The following ARIH1 variants were observed in gnomAD, a reference collection of about 807,000 sequenced individuals.
ARIH1 encodes the protein ariadne RBR E3 ubiquitin protein ligase 1, also known as E3 ubiquitin-protein ligase ARIH1.
In ARIH1, 8 loss-of-function variants were observed where a neutral mutation model predicts 85.0. That is an observed-to-expected ratio of 0.09 (90% CI 0.06 to 0.17). The LOEUF (loss-of-function observed/expected upper bound fraction) is 0.17, where lower values mean the gene tolerates loss of function less well. Ranked by LOEUF, ARIH1 falls within the 10% of genes least tolerant of loss-of-function variation. The pLI is 1.00. For synonymous variants in ARIH1, 238 were observed against 253.6 expected, an observed-to-expected ratio of 0.94 and a Z score of 0.59; for missense variants, 311 against 718.1, an observed-to-expected ratio of 0.43 and a Z score of 6.48.
At chr15:72,562,416 A>C (rs2064201040) in intron 6 of ARIH1, among the ~76,000 whole-genome samples, 1 of 152,180 alleles carries the variant, frequency 6.6e-6, no homozygotes, top group Admixed American at 6.5e-5. Flanking sequence ...TCTAGAAAGT[A>C]ATTATTTCTG....
intron 10 of ARIH1, among the ~76,000 whole-genome samples, chr15:72,571,312 A>G (rs2064245497): frequency 6.6e-6 from 1 of 152,126 alleles, no homozygotes; most frequent in Non-Finnish European, 1.5e-5. Flanking sequence ...CATCTTCTCA[A>G]TGAAGAAAAT....
rs562668453 is a variant in ARIH1, at chr15:72,556,563, CTTTCTTTTT to C, written c.737+665_737+673del. ...CTAACAGCTCTTCTTGTGAAAGGTT[CTTTCTTTTT>C]TTTCTTTTAACTTTTAGGTTCAGGT... is the stretch of plus-strand genomic sequence containing the variant. On this transcript the variant is annotated intron_variant, in intron 5 of 13. Transcript: ENST00000379887. Among the ~76,000 whole-genome samples, 480 of 152,242 alleles carry C rather than the reference CTTTCTTTTT, an allele frequency of 3.2e-3. 3 individuals carry two copies. Among genetic ancestry groups the C allele is most frequent in the African/African-American group, 0.011 (463 of 41,540 alleles).
intron 11 of ARIH1, among the ~76,000 whole-genome samples, chr15:72,576,528 A>C (rs959927435): frequency 4.6e-5 from 7 of 151,480 alleles, no homozygotes; most frequent in Non-Finnish European, 8.8e-5. Flanking sequence ...AAAAAAAAAA[A>C]AACCCTTTGA....
rs2064351528 is a variant in ARIH1, at chr15:72,593,632, G to GA, written c.*10340_*10341insA. On this transcript the variant is annotated 3_prime_UTR_variant, in exon 14 of 14. Coordinates refer to ENST00000379887, the MANE Select transcript of ARIH1 (RefSeq NM_005744.5). Reference sequence around the variant, plus strand: ...TTGGTTAAAAATTGATCACGTGTGTGTGTATTTCTACATTTTCTGTTCTGT... The same window carrying GA: ...TTGGTTAAAAATTGATCACGTGTGTGATGTATTTCTACATTTTCTGTTCTGT... The GA allele has an allele frequency of 6.6e-6, 1 of 152,170 alleles. No individual in the cohort carries two copies. The highest frequency in any genetic ancestry group is 1.5e-5 in the Non-Finnish European group (1 of 68,026). 9.4% of individuals were successfully genotyped at this position (152,170 alleles called of 1,614,324 possible). A position where few individuals can be genotyped will look rare whatever the true frequency, so the allele number is the denominator to read the frequency against.
rs1206162417 is a variant in ARIH1, at chr15:72,474,941, A to G, written c.302A>G (p.Tyr101Cys). ...PGHEQEEDYRYEVLTAEQILQ... is the reference protein window; with the variant it reads ...PGHEQEEDYRCEVLTAEQILQ... ...CATGAGCAGGAGGAGGATTACCGCT[A>G]CGAGGTGCTCACGGCCGAGCAGATT... The change falls in exon 1 of 14, where the codon TAC (tyrosine) becomes TGC (cysteine). Residue 101 changes from tyrosine to cysteine, a missense_variant. Physicochemically the swap from Tyr to Cys is radical, Grantham distance 194. Transcript: ENST00000379887. 6.5e-7 allele frequency: 1 copy of G among 1,548,430 alleles called. No homozygotes were observed. The highest frequency in any genetic ancestry group is 1.4e-5 in the African/African-American group (1 of 72,494).
intron 1 of ARIH1, among the ~76,000 whole-genome samples, chr15:72,492,238 T>A (rs1280654441): frequency 6.6e-6 from 1 of 152,206 alleles, no homozygotes; most frequent in Non-Finnish European, 1.5e-5. Context: ...TATATAAAAT[T>A]TGTTCGTTAT....
At chr15:72,523,813 T>G (rs1393740747) in intron 2 of ARIH1, among the ~76,000 whole-genome samples, 5 of 151,848 alleles carry the variant, frequency 3.3e-5, no homozygotes, top group Admixed American at 6.6e-5. Context: ...ATAATAAGTT[T>G]TTTTTTTCTT....
At chr15:72,522,676 AAAAGAT>A (rs1209280262) in intron 2 of ARIH1, among the ~76,000 whole-genome samples, 1 of 152,200 alleles carries the variant, frequency 6.6e-6, no homozygotes, top group Non-Finnish European at 1.5e-5. Flanking sequence ...ACAACAACAA[AAAAGAT>A]AAAGATCTTT....
chr15:72,486,376 C>T (rs1175218824), intron 1 of ARIH1, among the ~76,000 whole-genome samples: 2 of 152,184 alleles, frequency 1.3e-5, no homozygotes, highest in Non-Finnish European at 2.9e-5. Context: ...ATATAGACTA[C>T]CTACCTGCTA....
chr15:72,569,951 A>G (rs2064236066), intron 9 of ARIH1, among the ~76,000 whole-genome samples: 1 of 152,226 alleles, frequency 6.6e-6, no homozygotes, highest in African/African-American at 2.4e-5. Flanking sequence ...AGTTTAAAAA[A>G]ACAAGTCCTT....
chr15:72,555,173 C>T (rs1283849101), intron 3 of ARIH1, 98 bp from the exon 4 acceptor site: 9 of 826,610 alleles, frequency 1.1e-5, no homozygotes, highest in East Asian at 1.0e-4. Flanking sequence ...ATTTTAGCCA[C>T]GTAAGAAATG....
intron 5 of ARIH1, among the ~76,000 whole-genome samples, chr15:72,560,998 A>G (rs578035467): frequency 1.3e-5 from 2 of 152,340 alleles, no homozygotes; most frequent in South Asian, 4.1e-4. Flanking sequence ...TCTCAGAAGA[A>G]GAAGGCTCTT....
At chr15:72,580,618 A>G (rs1413978252) in intron 11 of ARIH1, 113 bp from the exon 12 acceptor site, 2 of 1,006,278 alleles carry the variant, frequency 2.0e-6, no homozygotes, top group East Asian at 5.2e-5. Flanking sequence ...TTTGATAAAA[A>G]CCATTCTAAC....
At chr15:72,566,432 C>T (rs1225271993) in intron 7 of ARIH1, 131 bp from the exon 8 acceptor site, 2 of 764,770 alleles carry the variant, frequency 2.6e-6, no homozygotes, top group African/African-American at 3.5e-5. Flanking sequence ...CATGGGTTCT[C>T]TCCTTGTATT....
intron 9 of ARIH1, among the ~76,000 whole-genome samples, chr15:72,569,958 C>T (rs1483744751): frequency 6.6e-6 from 1 of 152,098 alleles, no homozygotes; most frequent in Non-Finnish European, 1.5e-5. Flanking sequence ...AAAAACAAGT[C>T]CTTAAATTGT....
At chr15:72,475,120 C>G (rs552784695) in intron 1 of ARIH1, 106 bp downstream of exon 1, 5 of 1,460,324 alleles carry the variant, frequency 3.4e-6, no homozygotes, top group Non-Finnish European at 4.5e-6. Context: ...GCAGCCTAGC[C>G]CGGTGCCTCC....
At chr15:72,525,332 A>G (rs1307506378) in intron 2 of ARIH1, among the ~76,000 whole-genome samples, 2 of 152,236 alleles carry the variant, frequency 1.3e-5, no homozygotes, top group Non-Finnish European at 2.9e-5. Context: ...TTTTAATAAA[A>G]TTGTGTATTA....
intron 11 of ARIH1, among the ~76,000 whole-genome samples, chr15:72,579,249 G>A (rs2064285746): frequency 6.6e-6 from 1 of 151,972 alleles, no homozygotes; most frequent in Admixed American, 6.6e-5. Context: ...GTCCTGTAGA[G>A]TTTCCCACAT....
chr15:72,508,664 C>T (rs916886223), intron 1 of ARIH1, among the ~76,000 whole-genome samples: 13 of 151,270 alleles, frequency 8.6e-5, no homozygotes, highest in African/African-American at 3.1e-4. Context: ...TCCTTTTCAG[C>T]ATTCCCTTTT....
Sources: gnomAD v4.1 joint callset for allele counts (sites outside exome capture counted in the v4.1 genomes callset) on GRCh38, gnomAD v4.1.1 for gene constraint, MANE v1.5 for transcripts, NCBI Gene and HGNC (gene_info 2026-07-23, HGNC 2026-07-21) for gene names.